SCFD2: variants seen among roughly 807,000 people sequenced by gnomAD.
The protein encoded by SCFD2 is sec1 family domain containing 2.
Under a neutral mutation model 58.9 loss-of-function variants are expected in SCFD2, and 54 were observed. The observed-to-expected ratio is 0.92, with a 90% CI of 0.74 to 1.15. The LOEUF (loss-of-function observed/expected upper bound fraction) is 1.15. Among genes scored for constraint, SCFD2 ranks in the 50% most tolerant of loss-of-function variants. The pLI is 0.00. For synonymous variants in SCFD2, 321 were observed against 335.9 expected, an observed-to-expected ratio of 0.96 and a Z score of 0.49; for missense variants, 805 against 836.6, an observed-to-expected ratio of 0.96 and a Z score of 0.47.
intron 4 of SCFD2, among the ~76,000 whole-genome samples, chr4:53,179,106 T>C (rs1727449773): frequency 3.3e-5 from 5 of 152,138 alleles, no homozygotes. Flanking sequence ...ACTTCCCCAA[T>C]CTAGCAAGGC....
chr4:52,885,071 C>T (rs966306666), intron 8 of SCFD2, among the ~76,000 whole-genome samples: 4 of 152,154 alleles, frequency 2.6e-5, no homozygotes, highest in Admixed American at 2.0e-4. Flanking sequence ...TGTTCTTCAC[C>T]ACTGGGCCAC....
chr4:53,177,886 C>T (rs1204124741), intron 4 of SCFD2, among the ~76,000 whole-genome samples: 5 of 152,018 alleles, frequency 3.3e-5, no homozygotes, highest in Non-Finnish European at 4.4e-5. Flanking sequence ...GTCCTACGCC[C>T]ACAGAGTCTC....
chr4:53,348,469 T>C (rs1305288194), intron 2 of SCFD2, among the ~76,000 whole-genome samples: 2 of 152,242 alleles, frequency 1.3e-5, no homozygotes, highest in African/African-American at 4.8e-5. Flanking sequence ...TTGTGATTTA[T>C]TTCAATTCTT....
intron 4 of SCFD2, among the ~76,000 whole-genome samples, chr4:53,237,950 A>G (rs1379000623): frequency 0.027 from 905 of 33,760 alleles, no homozygotes; most frequent in Admixed American, 0.032. Context: ...TGGCCGGGCG[A>G]GGGGCTGACC....
intron 5 of SCFD2, among the ~76,000 whole-genome samples, chr4:53,009,932 ACTGGCCTG>A (rs1722059057): frequency 6.6e-6 from 1 of 152,028 alleles, no homozygotes; most frequent in Admixed American, 6.6e-5. Flanking sequence ...CTTGCATTTC[ACTGGCCTG>A]CTGGCCTACC....
intron 4 of SCFD2, among the ~76,000 whole-genome samples, chr4:53,216,422 G>T (rs1018160172): frequency 5.8e-4 from 89 of 152,274 alleles, no homozygotes; most frequent in African/African-American, 2.0e-3. Context: ...AGATTTTCTA[G>T]TTTATTTGCA....
chr4:52,889,178 T>C (rs189446322), intron 7 of SCFD2, among the ~76,000 whole-genome samples: 1 of 152,290 alleles, frequency 6.6e-6, no homozygotes, highest in African/African-American at 2.4e-5. Flanking sequence ...TGTCTCCCCA[T>C]CCGCAGTTTG....
At chr4:53,160,987 G>A (rs1323114540) in intron 4 of SCFD2, among the ~76,000 whole-genome samples, 2 of 152,164 alleles carry the variant, frequency 1.3e-5, no homozygotes, top group African/African-American at 4.8e-5. Context: ...ACATAACAAT[G>A]AGAATGAATG....
In SCFD2 at chr4:52,937,210, A is replaced by G. The variant is rs113279961; in HGVS notation, c.1562-16340T>C. 2.5e-3 allele frequency among the ~76,000 whole-genome samples: 381 copies of G among 152,344 alleles called. 2 individuals carry two copies. The highest frequency in any genetic ancestry group is 8.9e-3 in the African/African-American group (369 of 41,592). ...TTCTGGACAGAAGGGCAGCAAGTGC[A>G]AAGGCTCTGAGGCAGGAATGTGCTT... On this transcript the variant is annotated intron_variant, in intron 5 of 8. Transcript: ENST00000401642.
chr4:53,270,496 T>C (rs1731128913), intron 4 of SCFD2, among the ~76,000 whole-genome samples: 1 of 152,216 alleles, frequency 6.6e-6, no homozygotes, highest in African/African-American at 2.4e-5. Flanking sequence ...AAGGGCCTAG[T>C]ATGCCTGGTC....
At chr4:52,920,520 C>G (rs929404330) in intron 6 of SCFD2, among the ~76,000 whole-genome samples, 1 of 152,090 alleles carries the variant, frequency 6.6e-6, no homozygotes, top group African/African-American at 2.4e-5. Context: ...AGTGCTCATC[C>G]CACCATATCA....
rs199736520 is a variant in SCFD2 at position 53,169,229 on chromosome 4, A to G, written c.1312-23647T>C. On this transcript the variant is annotated intron_variant, in intron 4 of 8. Transcript: ENST00000401642. ...CATCTCTACTAAAAATACAAAAATT[A>G]GCTGGGCGCCTGTAATCCCAGCTAC... Among the ~76,000 whole-genome samples the G allele has an allele frequency of 1.1e-4, 16 of 152,176 alleles. No individual in the cohort carries two copies. The East Asian group carries it at 2.9e-3, about 28-fold the overall frequency.
At chr4:53,346,065 G>A (rs773721142) in intron 2 of SCFD2, among the ~76,000 whole-genome samples, 3 of 152,112 alleles carry the variant, frequency 2.0e-5, no homozygotes, top group Non-Finnish European at 2.9e-5. Context: ...AAACCTGCAC[G>A]TTGTGCACGT....
intron 4 of SCFD2, among the ~76,000 whole-genome samples, chr4:53,235,736 A>G (rs1195345018): frequency 6.6e-6 from 1 of 152,196 alleles, no homozygotes; most frequent in African/African-American, 2.4e-5. Context: ...AGTTTTCTGT[A>G]TGTAAGCCTG....
chr4:53,016,026 G>C (rs1291897664), intron 5 of SCFD2, among the ~76,000 whole-genome samples: 1 of 152,206 alleles, frequency 6.6e-6, no homozygotes, highest in East Asian at 1.9e-4. Flanking sequence ...GGCAGAAACT[G>C]CTTCTTAACA....
intron 5 of SCFD2, among the ~76,000 whole-genome samples, chr4:53,015,531 G>A (rs186704030): frequency 5.9e-5 from 9 of 152,256 alleles, no homozygotes; most frequent in Non-Finnish European, 8.8e-5. Flanking sequence ...TCAAACGCAC[G>A]TTGTCAGTCA....
intron 2 of SCFD2, among the ~76,000 whole-genome samples, chr4:53,345,378 A>C (rs1279924157): frequency 6.6e-6 from 1 of 152,230 alleles, no homozygotes; most frequent in Non-Finnish European, 1.5e-5. Context: ...AGAGAAATGC[A>C]AATCAAAGCC....
chr4:52,892,310 T>TGACC (rs1718896233), intron 7 of SCFD2, among the ~76,000 whole-genome samples: 1 of 152,154 alleles, frequency 6.6e-6, no homozygotes, highest in East Asian at 1.9e-4. Flanking sequence ...ACCTTAGACT[T>TGACC]TCATCTTCTC....
intron 7 of SCFD2, among the ~76,000 whole-genome samples, chr4:52,893,543 C>T (rs528090721): frequency 6.6e-6 from 1 of 152,310 alleles, no homozygotes; most frequent in South Asian, 2.1e-4. Context: ...TCTGTCCAAT[C>T]CACAAGCCAA....
Sources: allele counts gnomAD v4.1 joint callset (sites outside exome capture counted in the v4.1 genomes callset), GRCh38; gene constraint gnomAD v4.1.1; transcripts MANE v1.5; gene names NCBI Gene and HGNC (gene_info 2026-07-23, HGNC 2026-07-21).